The following AFF1 variants were observed in gnomAD, a reference collection of about 807,000 sequenced individuals.
AFF1 encodes the protein ALF transcription elongation factor 1.
Under a neutral mutation model 121.7 loss-of-function variants are expected in AFF1, and 48 were observed. The ratio of observed to expected loss-of-function variants is 0.39; its 90% CI spans 0.31 to 0.50. AFF1 has a LOEUF of 0.50. Among genes scored for constraint, AFF1 ranks in the 20% least tolerant of loss-of-function variants. The pLI is 0.76. For missense variants in AFF1, 1,523 were observed against 1,511.7 expected, an observed-to-expected ratio of 1.01 and a Z score of -0.12; for synonymous variants, 613 against 563.0, an observed-to-expected ratio of 1.09 and a Z score of -1.26.
In AFF1 at chr4:87,034,101, C is replaced by T. The variant is rs80134558; in HGVS notation, c.39-12065C>T. On this transcript the variant is annotated intron_variant, in intron 2 of 20. Transcript: ENST00000395146. ...AAGTGCTGGAGAGCACCTCTGGTGGCGGGGACTGGCTGAGGAGCCGATAGT... is the reference window on the plus strand; with the variant it reads ...AAGTGCTGGAGAGCACCTCTGGTGGTGGGGACTGGCTGAGGAGCCGATAGT... Among the ~76,000 whole-genome samples the T allele has an allele frequency of 1.6e-3, 238 of 152,170 alleles. 5 individuals are homozygous for T. In the East Asian group the frequency reaches 0.045, roughly 29 times the overall value.
At chr4:87,022,889 CTTTA>C (rs990970728) in intron 2 of AFF1, among the ~76,000 whole-genome samples, 6 of 151,410 alleles carry the variant, frequency 4.0e-5, no homozygotes, top group African/African-American at 7.3e-5. Context: ...AAGCCAAAAT[CTTTA>C]TTTATTTTAT....
At chr4:87,048,161 C>G (rs1730913236) in intron 4 of AFF1, 1 of 154,780 alleles carries the variant, frequency 6.5e-6, no homozygotes, top group African/African-American at 2.4e-5. Context: ...TTGTAAGGAA[C>G]TTTATAACTA....
intron 4 of AFF1, chr4:87,049,606 G>A (rs1731070148): frequency 2.2e-6 from 1 of 452,288 alleles, no homozygotes; most frequent in South Asian, 1.6e-5. Context: ...TGCATCTGCT[G>A]TCAACAATGG....
At chr4:86,939,700 C>T (rs775377039) in intron 1 of AFF1, among the ~76,000 whole-genome samples, 21 of 152,294 alleles carry the variant, frequency 1.4e-4, no homozygotes, top group Middle Eastern at 3.4e-3. Context: ...CCATTTCCTT[C>T]TTATAGATAC....
At chr4:87,095,712 T>G (rs1338202960) in intron 8 of AFF1, among the ~76,000 whole-genome samples, 1 of 152,180 alleles carries the variant, frequency 6.6e-6, no homozygotes, top group Non-Finnish European at 1.5e-5. Flanking sequence ...CCAGAAATAT[T>G]TTGGGTTATG....
chr4:87,083,330 T>C (rs1723358630), intron 4 of AFF1, among the ~76,000 whole-genome samples: 1 of 152,202 alleles, frequency 6.6e-6, no homozygotes. Flanking sequence ...TTACAGTCTT[T>C]CTCTGAAAAA....
intron 5 of AFF1, among the ~76,000 whole-genome samples, chr4:87,086,191 T>G (rs1393053952): frequency 6.6e-6 from 1 of 152,224 alleles, no homozygotes; most frequent in African/African-American, 2.4e-5. Context: ...ACTAAGGAAT[T>G]TAATTATATA....
chr4:87,007,355 C>G, intron 2 of AFF1: 1 of 1,611,982 alleles, frequency 6.2e-7, no homozygotes, highest in South Asian at 1.1e-5. Context: ...CAGCAGGGCC[C>G]GCGGGGTGAA....
At chr4:87,118,058 AGCAT>A (rs1727301558) in intron 12 of AFF1, among the ~76,000 whole-genome samples, 1 of 152,242 alleles carries the variant, frequency 6.6e-6, no homozygotes, top group Admixed American at 6.5e-5. Flanking sequence ...AAAAACTCTG[AGCAT>A]ATAGTCAGAG....
At position 87,047,501 on chromosome 4, in the gene AFF1, G is replaced by C. The variant is rs750507993; in HGVS notation, c.966G>C (p.Glu322Asp). ...SESPELKPLP[E>D]DYRQQTFEKT... The stretch of plus-strand genomic sequence containing the variant: ...CCCCTGAACTGAAACCACTGCCGGA[G>C]GACTATCGACAGCAGACCTTTGAAA... The change falls in exon 4 of 21, where the codon GAG (glutamate) becomes GAC (aspartate). Residue 322 changes from glutamate (E) to aspartate (D), a missense_variant. Glu to Asp is a conservative substitution (Grantham distance 45, BLOSUM62 2). Around this residue, in one of 5 missense-constraint regions of AFF1, gnomAD observed 905 missense variants for 842.5 expected, o/e 1.07. Coordinates refer to ENST00000395146, the MANE Select transcript of AFF1 (RefSeq NM_001166693.3). 15 of 1,614,062 alleles carry C rather than the reference G, an allele frequency of 9.3e-6. No individual in the cohort carries two copies. Among genetic ancestry groups the C allele is most frequent in the Non-Finnish European group, 1.1e-5 (13 of 1,180,054 alleles).
intron 2 of AFF1, among the ~76,000 whole-genome samples, chr4:86,953,019 C>G (rs1374218811): frequency 7.0e-6 from 1 of 143,214 alleles, no homozygotes; most frequent in African/African-American, 2.6e-5. Flanking sequence ...AGCCATGGCG[C>G]CCAGCAAAAA....
intron 2 of AFF1, among the ~76,000 whole-genome samples, chr4:87,005,216 C>CG (rs1410836031): frequency 6.6e-6 from 1 of 152,118 alleles, no homozygotes; most frequent in Admixed American, 6.5e-5. Flanking sequence ...TGAGCTTAAG[C>CG]GATCTGCCTG....
chr4:87,080,765 G>A (rs1459521695), intron 4 of AFF1, among the ~76,000 whole-genome samples: 1 of 152,224 alleles, frequency 6.6e-6, no homozygotes, highest in Admixed American at 6.5e-5. Context: ...TGCACTTTAT[G>A]AGACGAGGCA....
At chr4:87,003,572 T>G (rs916465421) in intron 2 of AFF1, among the ~76,000 whole-genome samples, 26 of 152,318 alleles carry the variant, frequency 1.7e-4, no homozygotes, top group African/African-American at 6.3e-4. Context: ...CATATTTAAG[T>G]GGTGTCAGAT....
In AFF1 at chr4:87,131,212, C is replaced by T. The variant is rs1171728041; in HGVS notation, c.3094C>T (p.Leu1032Phe). The change falls in exon 17 of 21, where the codon CTC becomes TTC. Residue 1032 changes from leucine to phenylalanine, a missense_variant. Leu to Phe is a conservative substitution (Grantham distance 22). This residue lies in a region of AFF1 where 241 missense variants were observed against 265.2 expected (regional missense o/e 0.91). Transcript: ENST00000395146. ...AYSVYSETVD[L>F]IKFIMSLKSF... ...CTCTGTCTACTCAGAAACTGTAGAT[C>T]TCATTAAGTAAGTGCCGAGTCATTG... 3.1e-6 allele frequency: 5 copies of T among 1,614,148 alleles called. No homozygotes were observed. The highest frequency in any genetic ancestry group is 4.2e-6 in the Non-Finnish European group (5 of 1,180,014).
chr4:87,022,585 TA>T (rs1560547410), intron 2 of AFF1, among the ~76,000 whole-genome samples: 5 of 91,090 alleles, frequency 5.5e-5, no homozygotes, highest in Admixed American at 2.3e-4. Flanking sequence ...TATATATATC[TA>T]TCTATATCTA....
At chr4:87,001,085 C>G (rs1350136453) in intron 2 of AFF1, among the ~76,000 whole-genome samples, 1 of 151,916 alleles carries the variant, frequency 6.6e-6, no homozygotes, top group African/African-American at 2.4e-5. Context: ...TTGATTTAAC[C>G]CCGGGGACTC....
At chr4:87,003,295 G>A (rs905396188) in intron 2 of AFF1, among the ~76,000 whole-genome samples, 1 of 152,056 alleles carries the variant, frequency 6.6e-6, no homozygotes, top group Non-Finnish European at 1.5e-5. Context: ...ACTAGGCCTT[G>A]CCCTGTCACC....
chr4:87,047,714 C>T, intron 4 of AFF1, 120 bp downstream of exon 4: 2 of 1,324,444 alleles, frequency 1.5e-6, no homozygotes, highest in Non-Finnish European at 2.2e-6. Context: ...AGGGGGAATT[C>T]TTTTTGGCTT....
Sources: gnomAD v4.1 joint callset for allele counts (sites outside exome capture counted in the v4.1 genomes callset) on GRCh38, gnomAD v4.1.1 for gene constraint, gnomAD v4.1.1 regional missense constraint, MANE v1.5 for transcripts, NCBI Gene and HGNC (gene_info 2026-07-23, HGNC 2026-07-21) for gene names.